PTPRF: variants seen among roughly 807,000 people sequenced by gnomAD.
PTPRF encodes receptor-type tyrosine-protein phosphatase F.
PTPRF carries 59 observed loss-of-function variants against 201.8 expected under a neutral mutation model. That is an observed-to-expected ratio of 0.29 (90% CI 0.24 to 0.36). The LOEUF is 0.36. Ranked by LOEUF, PTPRF falls within the 10% of genes least tolerant of loss-of-function variation. The pLI, the probability that PTPRF is intolerant of heterozygous loss-of-function variation, is 1.00. For synonymous variants in PTPRF, 1,088 were observed against 1,089.7 expected (o/e 1.00, Z 0.03); for missense variants, 2,132 against 2,690.5 (o/e 0.79, Z 4.59).
In PTPRF at chr1:43,613,730, C is replaced by T. The variant is rs1346689046; in HGVS notation, c.4071+15C>T. On this transcript the variant is annotated intron_variant, in intron 23 of 33. Transcript: ENST00000359947. ...AGGAGTATGAGGTGAGATGTTCCCGCCCCCTACCATGTGCCTGGCCCAGGC... is the reference window on the plus strand; with the variant it reads ...AGGAGTATGAGGTGAGATGTTCCCGTCCCCTACCATGTGCCTGGCCCAGGC... 14 of 1,607,466 alleles carry T rather than the reference C, an allele frequency of 8.7e-6. No individual in the cohort carries two copies. The Admixed American group carries it at 2.3e-4, about 27-fold the overall frequency.
intron 25 of PTPRF, among the ~76,000 whole-genome samples, chr1:43,618,197 G>C (rs1035823216): frequency 2.6e-5 from 4 of 152,122 alleles, no homozygotes; most frequent in African/African-American, 9.7e-5. Flanking sequence ...TGTTCCCGGG[G>C]TATTCATGTG....
At position 43,554,436 on chromosome 1, in the gene PTPRF, G is replaced by T. The variant is rs75365982; in HGVS notation, c.379+495G>T. On this transcript the variant is annotated intron_variant, in intron 5 of 33. Coordinates refer to ENST00000359947, the MANE Select transcript of PTPRF (RefSeq NM_002840.5). This position sits in a 1 kb window ranked among gnomAD's most constrained non-coding sequence, Gnocchi z 4.1. ...TCACAAACACTCCCTGGACCACCTT[G>T]AAGTCCTCTGAGCACCGAGGAGGAG... 4.5e-3 allele frequency among the ~76,000 whole-genome samples: 688 copies of T among 152,294 alleles called. 27 individuals carry two copies. In the East Asian group the frequency reaches 0.091, roughly 20 times the overall value.
At chr1:43,615,602 C>T (rs573121889) in intron 23 of PTPRF, among the ~76,000 whole-genome samples, 14 of 134,772 alleles carry the variant, frequency 1.0e-4, no homozygotes, top group African/African-American at 2.9e-4. Context: ...AGTCTCGCTC[C>T]GTCATCCAGG....
At chr1:43,619,223 C>T in intron 27 of PTPRF, 21 bp downstream of exon 27, 1 of 1,607,942 alleles carries the variant, frequency 6.2e-7, no homozygotes, top group Non-Finnish European at 8.5e-7. Context: ...ACAGTGCCAC[C>T]CAGAGGGGTG....
chr1:43,560,631 G>A (rs1412654379), intron 5 of PTPRF, among the ~76,000 whole-genome samples: 1 of 152,156 alleles, frequency 6.6e-6, no homozygotes. Context: ...CTGGGACCCC[G>A]CAGGATCCCT....
chr1:43,540,509 G>A (rs1468925894), intron 2 of PTPRF, among the ~76,000 whole-genome samples: 1 of 152,160 alleles, frequency 6.6e-6, no homozygotes, highest in African/African-American at 2.4e-5. Flanking sequence ...CAGAGGAAGG[G>A]GCCTGGAGGC....
rs1389018689 is a variant in PTPRF, at chr1:43,618,708, G to C, written c.4450G>C (p.Glu1484Gln). 6 of 1,611,800 alleles carry C rather than the reference G, an allele frequency of 3.7e-6. No individual in the cohort carries two copies. Among genetic ancestry groups the C allele is most frequent in the Non-Finnish European group, 4.2e-6 (5 of 1,178,250 alleles). The stretch of plus-strand genomic sequence containing the variant: ...TCAGGTGACCCTGTTGGACACAGTG[G>C]AGCTGGCCACATACACTGTGCGCAC... ...LIQVTLLDTVELATYTVRTFA... is the reference protein window; with the variant it reads ...LIQVTLLDTVQLATYTVRTFA... The change falls in exon 26 of 34, where the codon GAG becomes CAG. Residue 1484 changes from glutamate (E) to glutamine (Q), a missense_variant. Physicochemically the swap from Glu to Gln is conservative, Grantham distance 29. Coordinates refer to ENST00000359947, the MANE Select transcript of PTPRF (RefSeq NM_002840.5).
intron 5 of PTPRF, among the ~76,000 whole-genome samples, chr1:43,564,973 C>T (rs533601491): frequency 1.3e-5 from 2 of 152,242 alleles, no homozygotes; most frequent in South Asian, 4.1e-4. Context: ...GCAGCCTCCA[C>T]CCCCATCTTA....
At chr1:43,592,928 C>T (rs1651214840) in intron 11 of PTPRF, among the ~76,000 whole-genome samples, 1 of 152,200 alleles carries the variant, frequency 6.6e-6, no homozygotes, top group Admixed American at 6.5e-5. Context: ...ACTAGCTTAG[C>T]TGATGGGCCA....
At chr1:43,613,458 C>A in intron 22 of PTPRF, 160 bp from the exon 23 acceptor site, 1 of 673,222 alleles carries the variant, frequency 1.5e-6, no homozygotes, top group Non-Finnish European at 2.8e-6. Context: ...CCACCCTCCG[C>A]CATCCCTGTC....
At chr1:43,590,662 A>G (rs2117314) in intron 8 of PTPRF, among the ~76,000 whole-genome samples, 39,573 of 152,160 alleles carry the variant, frequency 0.26, 6,086 homozygotes, top group East Asian at 0.48. Context: ...CAAGGGTCAC[A>G]TCACCTCCAG....
chr1:43,605,011 G>A lies in PTPRF; in HGVS notation c.3135+11G>A, dbSNP rs1361412478. On this transcript the variant is annotated intron_variant, in intron 17 of 33. Transcript: ENST00000359947. ...GCTGTGCCCTTTAAGGTGAGTAAGG[G>A]CCACGGCCAGCTGAGCCTGGCACAC... The A allele has an allele frequency of 6.2e-7, 1 of 1,612,648 alleles. No individual in the cohort carries two copies. The highest frequency in any genetic ancestry group is 2.2e-5 in the East Asian group (1 of 44,874).
rs189730110 is a variant in PTPRF at position 43,623,259 on chromosome 1, T to G, written c.*1256T>G. 18 of 152,792 alleles carry G rather than the reference T, an allele frequency of 1.2e-4. No individual in the cohort carries two copies. In the East Asian group the frequency reaches 3.5e-3, roughly 29 times the overall value. 9.5% of individuals were successfully genotyped at this position (152,792 alleles called of 1,614,324 possible). On this transcript the variant is annotated 3_prime_UTR_variant, in exon 34 of 34. Transcript: ENST00000359947. ...TGTTTTCAAAGCCCCCGATAATCGC[T>G]CTTTTCCACTCCAAGATGCCCTCAT...
At chr1:43,611,244 G>C (rs1656375763) in intron 22 of PTPRF, among the ~76,000 whole-genome samples, 1 of 152,206 alleles carries the variant, frequency 6.6e-6, no homozygotes, top group Non-Finnish European at 1.5e-5. Context: ...TTGCAACCCA[G>C]CATGATTAGA....
chr1:43,550,833 G>A (rs1644983002), intron 3 of PTPRF, among the ~76,000 whole-genome samples: 1 of 152,204 alleles, frequency 6.6e-6, no homozygotes, highest in Non-Finnish European at 1.5e-5. Context: ...ACTGGAGAAG[G>A]CAGTGATACT....
intron 33 of PTPRF, 139 bp downstream of exon 33, chr1:43,621,371 G>A: frequency 8.3e-7 from 1 of 1,203,362 alleles, no homozygotes. Context: ...CGATAGGCAT[G>A]GTGGTGTGTG....
Position 43,542,960 on chromosome 1 carries a change from G to T in PTPRF, c.-45-2071G>T, listed in dbSNP as rs1480283533. Among the ~76,000 whole-genome samples, 2 of 152,146 alleles carry T rather than the reference G, an allele frequency of 1.3e-5. No homozygotes were observed. The highest frequency in any genetic ancestry group is 2.4e-5 in the African/African-American group (1 of 41,414). ...TCCCTATGAAGCCTGCCTGGCAGGG[G>T]TTGCATGCTTGGAATGCTTGTTCCT... On this transcript the variant is annotated intron_variant, in intron 2 of 33. Transcript: ENST00000359947. The surrounding 1 kb of genome is among the most constrained non-coding windows in gnomAD (Gnocchi z 5.2).
In PTPRF at chr1:43,603,048, G is replaced by GGAGC. The variant is rs1654158577; in HGVS notation, c.2341-368_2341-367insGAGC. 6.6e-6 allele frequency among the ~76,000 whole-genome samples: 1 copy of GGAGC among 152,166 alleles called. No individual in the cohort carries two copies. Among genetic ancestry groups the GGAGC allele is most frequent in the African/African-American group, 2.4e-5 (1 of 41,432 alleles). On this transcript the variant is annotated intron_variant, in intron 14 of 33. Coordinates refer to ENST00000359947, the MANE Select transcript of PTPRF (RefSeq NM_002840.5). The surrounding 1 kb of genome is among the most constrained non-coding windows in gnomAD (Gnocchi z 5.8). ...TATGCAGGAGCTGTAGGCTGTGTGC[G>GGAGC]TGTGGCTGCCAAGAGCCACGCAAGG...
Position 43,553,114 on chromosome 1 carries a change from G to A in PTPRF, c.92-378G>A, listed in dbSNP as rs927445086. On this transcript the variant is annotated intron_variant, in intron 3 of 33. Transcript: ENST00000359947. This position sits in a 1 kb window ranked among gnomAD's most constrained non-coding sequence, Gnocchi z 4.1. ...GCTCTTCCCAGCAGCTCTCCAGCAC[G>A]CCTTTTTCCTGGAGCTTGGAATTGA... Among the ~76,000 whole-genome samples, 2 of 152,106 alleles carry A rather than the reference G, an allele frequency of 1.3e-5. No homozygotes were observed. The highest frequency in any genetic ancestry group is 2.4e-5 in the African/African-American group (1 of 41,406).
Sources: allele counts gnomAD v4.1 joint callset (sites outside exome capture counted in the v4.1 genomes callset), GRCh38; gene constraint gnomAD v4.1.1; non-coding constraint Gnocchi (gnomAD v3.1); transcripts MANE v1.5; gene names NCBI Gene and HGNC (gene_info 2026-07-23, HGNC 2026-07-21).